Variants in PARP15 observed in about 807,000 individuals in gnomAD.
The protein encoded by PARP15 is protein mono-ADP-ribosyltransferase PARP15.
Under a neutral mutation model 62.1 loss-of-function variants are expected in PARP15, and 50 were observed. The observed-to-expected ratio is 0.81, with a 90% CI of 0.64 to 1.02. PARP15 has a LOEUF of 1.02. Among genes scored for constraint, PARP15 ranks in the 50% least tolerant of loss-of-function variants. The probability of loss-of-function intolerance (pLI) is 0.00; values close to 1 mark genes in which losing one functional copy is unlikely to be tolerated. For missense variants in PARP15, 820 were observed against 826.5 expected, an observed-to-expected ratio of 0.99 and a Z score of 0.10; for synonymous variants, 309 against 293.1, an observed-to-expected ratio of 1.05 and a Z score of -0.55.
At chr3:122,586,852 G>T (rs1230829432) in intron 1 of PARP15, among the ~76,000 whole-genome samples, 1 of 151,884 alleles carries the variant, frequency 6.6e-6, no homozygotes, top group Admixed American at 6.6e-5. Flanking sequence ...TCTGGCTGTT[G>T]TACATTCTGT....
intron 9 of PARP15, among the ~76,000 whole-genome samples, chr3:122,630,602 C>T (rs1937008941): frequency 6.6e-6 from 1 of 151,892 alleles, no homozygotes; most frequent in Non-Finnish European, 1.5e-5. Flanking sequence ...TTGCCTGAGC[C>T]CAGGAGGTCA....
intron 1 of PARP15, among the ~76,000 whole-genome samples, chr3:122,601,881 T>C (rs1196041664): frequency 6.6e-6 from 1 of 152,204 alleles, no homozygotes; most frequent in Non-Finnish European, 1.5e-5. Flanking sequence ...GCATTTTGCA[T>C]TCCCACCAGC....
At chr3:122,582,197 G>A (rs1410643885) in intron 1 of PARP15, among the ~76,000 whole-genome samples, 1 of 148,930 alleles carries the variant, frequency 6.7e-6, no homozygotes, top group Non-Finnish European at 1.5e-5. Flanking sequence ...TTTGAAACAA[G>A]GTCTCCCTCT....
At chr3:122,612,304 C>T (rs1421813954) in intron 3 of PARP15, among the ~76,000 whole-genome samples, 1 of 149,522 alleles carries the variant, frequency 6.7e-6, no homozygotes, top group East Asian at 2.0e-4. Flanking sequence ...ATCTGCCCAC[C>T]TCAGCCTCCC....
At chr3:122,621,262 T>C in intron 7 of PARP15, 182 bp from the exon 8 acceptor site, 1 of 608,068 alleles carries the variant, frequency 1.6e-6, no homozygotes, top group Non-Finnish European at 2.8e-6. Context: ...TTTGTTGAGC[T>C]CGAGAATTCT....
chr3:122,611,181 C>G (rs1449075066), intron 3 of PARP15, among the ~76,000 whole-genome samples: 1 of 152,176 alleles, frequency 6.6e-6, no homozygotes, highest in Non-Finnish European at 1.5e-5. Flanking sequence ...CAGTGCCCTT[C>G]TTTCGATAAC....
Position 122,636,344 on chromosome 3 carries a change from C to T in PARP15, c.*244C>T, listed in dbSNP as rs1937371300. On this transcript the variant is annotated 3_prime_UTR_variant, in exon 12 of 12. Transcript: ENST00000464300. ...TCACAGAGCTACAACCATTCACAGA[C>T]ACCAAATCTCTAGGAGAATAAAAAG... The T allele has an allele frequency of 2.2e-6, 1 of 462,090 alleles. No homozygotes were observed. Among genetic ancestry groups the T allele is most frequent in the African/African-American group, 1.9e-5 (1 of 51,588 alleles). 28.6% of individuals were successfully genotyped at this position (462,090 alleles called of 1,614,324 possible). A position where few individuals can be genotyped will look rare whatever the true frequency, so the allele number is the denominator to read the frequency against.
chr3:122,616,223 G>A (rs182558421), intron 5 of PARP15, among the ~76,000 whole-genome samples: 103 of 152,254 alleles, frequency 6.8e-4, no homozygotes, highest in African/African-American at 2.3e-3. Flanking sequence ...TAGATCTAAA[G>A]GGTTTAAGGG....
chr3:122,599,684 C>A (rs1479950057), intron 1 of PARP15, among the ~76,000 whole-genome samples: 1 of 152,162 alleles, frequency 6.6e-6, no homozygotes, highest in Non-Finnish European at 1.5e-5. Flanking sequence ...AGTAATCTTT[C>A]CACTTCAGCC....
intron 1 of PARP15, among the ~76,000 whole-genome samples, chr3:122,581,463 C>T (rs2080800406): frequency 6.6e-6 from 1 of 152,084 alleles, no homozygotes; most frequent in South Asian, 2.1e-4. Flanking sequence ...GGTGATATTC[C>T]ACCATGCTTT....
chr3:122,623,594 A>G (rs1158502370), intron 8 of PARP15, among the ~76,000 whole-genome samples: 1 of 152,196 alleles, frequency 6.6e-6, no homozygotes, highest in Non-Finnish European at 1.5e-5. Context: ...GTTGGAGGAG[A>G]GTAAGTGCAA....
chr3:122,621,528 A>T lies in PARP15; in HGVS notation c.1148A>T (p.Asp383Val). 1 of 1,614,060 alleles carries T rather than the reference A, an allele frequency of 6.2e-7. No homozygotes were observed. The highest frequency in any genetic ancestry group is 1.7e-5 in the Admixed American group (1 of 59,990). ...KIIIHVPGGK[D>V]VRKTVTSVLE... ...ATAATTCATGTTCCTGGGGGAAAAG[A>T]TGTCAGGAAAACGGTCACCAGTGTT... Residue 383 changes from aspartate to valine, a missense_variant, in exon 8 of 12, where the codon GAT becomes GTT. Transcript: ENST00000464300.
At chr3:122,623,700 T>A (rs1285216014) in intron 8 of PARP15, among the ~76,000 whole-genome samples, 1 of 152,174 alleles carries the variant, frequency 6.6e-6, no homozygotes, top group African/African-American at 2.4e-5. Context: ...AAGGACCAGA[T>A]CTTTATGTCT....
At chr3:122,623,144 T>G (rs2107577227) in intron 8 of PARP15, among the ~76,000 whole-genome samples, 1 of 152,344 alleles carries the variant, frequency 6.6e-6, no homozygotes, top group East Asian at 1.9e-4. Context: ...GGGAACGTGC[T>G]GCAGGCATTT....
chr3:122,627,225 A>G (rs1936792579), intron 9 of PARP15, among the ~76,000 whole-genome samples, 192 bp downstream of exon 9: 1 of 152,210 alleles, frequency 6.6e-6, no homozygotes. Flanking sequence ...TTTTCCTGAG[A>G]GGCAAAATCA....
At chr3:122,632,981 G>T (rs1237076793) in intron 10 of PARP15, among the ~76,000 whole-genome samples, 4 of 152,114 alleles carry the variant, frequency 2.6e-5, no homozygotes, top group Non-Finnish European at 5.9e-5. Flanking sequence ...AAACTATAGG[G>T]GTTTATCACG....
In PARP15 at chr3:122,617,017, G is replaced by A; in HGVS notation, c.853G>A (p.Val285Met). 1 of 1,613,068 alleles carries A rather than the reference G, an allele frequency of 6.2e-7. No homozygotes were observed. The highest frequency in any genetic ancestry group is 8.5e-7 in the Non-Finnish European group (1 of 1,179,464). Reference protein sequence around the residue: ...RIPMAGDTQGVVGTVSKPCFT... With the variant: ...RIPMAGDTQGMVGTVSKPCFT... ...TTACCTATTTTCTTTCTTTTCAGGT[G>A]TGGTCGGGACTGTCTCTAAGCCTTG... The change falls in exon 6 of 12, where the codon GTG (valine) becomes ATG (methionine). Residue 285 changes from valine (V) to methionine (M), a missense_variant and splice_region_variant. Transcript: ENST00000464300.
intron 9 of PARP15, 109 bp from the exon 10 acceptor site, chr3:122,631,977 C>T: frequency 8.0e-7 from 1 of 1,255,310 alleles, no homozygotes; most frequent in Non-Finnish European, 1.1e-6. Flanking sequence ...GTAACTTCTC[C>T]TTTAAAGACC....
intron 1 of PARP15, 100 bp from the exon 2 acceptor site, chr3:122,605,836 C>A: frequency 7.9e-7 from 1 of 1,261,098 alleles, no homozygotes; most frequent in Non-Finnish European, 1.1e-6. Flanking sequence ...CCCACCTAGT[C>A]TTCCAAAGTG....
Sources: gnomAD v4.1 joint callset for allele counts (sites outside exome capture counted in the v4.1 genomes callset) on GRCh38, gnomAD v4.1.1 for gene constraint, MANE v1.5 for transcripts, NCBI Gene and HGNC (gene_info 2026-07-23, HGNC 2026-07-21) for gene names.